Variants in DNAH9 observed in about 807,000 individuals in gnomAD.
DNAH9 encodes the protein dynein axonemal heavy chain 9.
In DNAH9, 345 loss-of-function variants were observed where a neutral mutation model predicts 471.6. The ratio of observed to expected loss-of-function variants is 0.73; its 90% CI spans 0.67 to 0.80. DNAH9 has a LOEUF of 0.80. Among genes scored for constraint, DNAH9 ranks in the 30% least tolerant of loss-of-function variants. The probability of loss-of-function intolerance (pLI) is 0.00; values close to 1 mark genes in which losing one functional copy is unlikely to be tolerated. For missense variants in DNAH9, 5,407 were observed against 5,609.2 expected (o/e 0.96, Z 1.15); for synonymous variants, 2,093 against 2,123.6 (o/e 0.99, Z 0.40).
chr17:11,700,150 A>G (rs2074565341), intron 23 of DNAH9, among the ~76,000 whole-genome samples: 1 of 152,172 alleles, frequency 6.6e-6, no homozygotes, highest in Admixed American at 6.5e-5. Flanking sequence ...ATGCACATAA[A>G]CAGCTACCCA....
At chr17:11,720,253 C>CT (rs201295781) in intron 27 of DNAH9, among the ~76,000 whole-genome samples, 3,440 of 144,916 alleles carry the variant, frequency 0.024, 99 homozygotes, top group South Asian at 0.11. Flanking sequence ...CTTTTTTTTT[C>CT]TTTTTTTAAT....
At position 11,632,581 on chromosome 17, in the gene DNAH9, C is replaced by G; in HGVS notation, c.1519-6C>G. Reference sequence around the variant, plus strand: ...TTTTCCTTATATATATATGGTGTCTCTTCAGGACTTTGAAAATGACGTCTC... The same window carrying G: ...TTTTCCTTATATATATATGGTGTCTGTTCAGGACTTTGAAAATGACGTCTC... On this transcript the variant is annotated splice_region_variant and splice_polypyrimidine_tract_variant and intron_variant, in intron 7 of 68. Transcript: ENST00000262442. 1.4e-6 allele frequency: 2 copies of G among 1,443,064 alleles called. No individual in the cohort carries two copies. The highest frequency in any genetic ancestry group is 2.0e-6 in the Non-Finnish European group (2 of 1,024,000). The allele number at this position is 1,443,064 out of a possible 1,614,324, so 89.4% of individuals were successfully genotyped here.
At position 11,763,603 on chromosome 17, in the gene DNAH9, G is replaced by A. The variant is rs775028097; in HGVS notation, c.7159G>A (p.Val2387Ile). Residue 2387 changes from valine to isoleucine, a missense_variant, in exon 36 of 69, where the codon GTC (valine) becomes ATC (isoleucine). Transcript: ENST00000262442. ...AAIWAFGGAMVQDQLVDYRAE... is the reference protein window; with the variant it reads ...AAIWAFGGAMIQDQLVDYRAE... Reference sequence around the variant, plus strand: ...CATCTGGGCTTTCGGCGGAGCAATGGTCCAAGATCAGGTAAGGAGATATGT... The same window carrying A: ...CATCTGGGCTTTCGGCGGAGCAATGATCCAAGATCAGGTAAGGAGATATGT... 61 of 1,613,962 alleles carry A rather than the reference G, an allele frequency of 3.8e-5. No individual in the cohort carries two copies. The South Asian group carries it at 5.7e-4, about 15-fold the overall frequency.
At chr17:11,622,630 A>C (rs1030804258) in intron 6 of DNAH9, among the ~76,000 whole-genome samples, 2 of 152,196 alleles carry the variant, frequency 1.3e-5, no homozygotes, top group African/African-American at 4.8e-5. Context: ...GGCCCTGTGC[A>C]CACATGCTAA....
chr17:11,836,982 A>T (rs779198351), intron 49 of DNAH9, among the ~76,000 whole-genome samples: 2 of 152,202 alleles, frequency 1.3e-5, no homozygotes, highest in Non-Finnish European at 2.9e-5. Flanking sequence ...AAATGGAAGC[A>T]ATGATAATAC....
chr17:11,894,324 G>A (rs780888804), intron 58 of DNAH9, 50 bp from the exon 59 acceptor site: 2 of 1,602,580 alleles, frequency 1.2e-6, no homozygotes, highest in Admixed American at 3.3e-5. Flanking sequence ...AGATTTCTAG[G>A]ACTCTGGCTA....
At position 11,901,155 on chromosome 17, in the gene DNAH9, G is replaced by A. The variant is rs576012810; in HGVS notation, c.11407-1564G>A. 7.9e-5 allele frequency among the ~76,000 whole-genome samples: 12 copies of A among 152,304 alleles called. 1 individual carries two copies. In the South Asian group the frequency reaches 2.5e-3, roughly 32 times the overall value. On this transcript the variant is annotated intron_variant, in intron 59 of 68. Coordinates refer to ENST00000262442, the MANE Select transcript of DNAH9 (RefSeq NM_001372.4). ...GGGTGGGGCCAGGGTGAGGGTGTCT[G>A]TGCATGGGCAGGGGCTTGCCTGGTA...
chr17:11,858,510 C>T (rs1467566517), intron 50 of DNAH9, among the ~76,000 whole-genome samples: 1 of 152,206 alleles, frequency 6.6e-6, no homozygotes, highest in African/African-American at 2.4e-5. Flanking sequence ...GCTTCCCATT[C>T]ACACAGTTTT....
At chr17:11,740,390 G>A (rs1464184049) in intron 29 of DNAH9, among the ~76,000 whole-genome samples, 1 of 152,136 alleles carries the variant, frequency 6.6e-6, no homozygotes, top group African/African-American at 2.4e-5. Flanking sequence ...CAAAAGCAGG[G>A]TGCCAGCACG....
chr17:11,873,822 G>A (rs1972369874), intron 52 of DNAH9, among the ~76,000 whole-genome samples: 1 of 152,064 alleles, frequency 6.6e-6, no homozygotes, highest in Non-Finnish European at 1.5e-5. Context: ...GCCGATGGCT[G>A]CATAATGTTA....
At chr17:11,639,677 A>C (rs1043952373) in intron 9 of DNAH9, among the ~76,000 whole-genome samples, 2 of 152,150 alleles carry the variant, frequency 1.3e-5, no homozygotes, top group Admixed American at 1.3e-4. Context: ...TTCAACCCTG[A>C]CTGTTCAATT....
rs1296279361 is a variant in DNAH9 at position 11,704,282 on chromosome 17, G to A, written c.5231G>A (p.Ser1744Asn). The A allele has an allele frequency of 1.2e-6, 2 of 1,614,164 alleles. No individual in the cohort carries two copies. The highest frequency in any genetic ancestry group is 2.2e-5 in the South Asian group (2 of 91,092). Reference protein sequence around the residue: ...AFARLEEGYESAMKDYYKKQV... With the variant: ...AFARLEEGYENAMKDYYKKQV... Reference sequence around the variant, plus strand: ...GCCAGGCTGGAGGAAGGCTATGAGAGTGCCATGAAGGACTATTATAAGAAG... The same window carrying A: ...GCCAGGCTGGAGGAAGGCTATGAGAATGCCATGAAGGACTATTATAAGAAG... Residue 1744 changes from serine (S) to asparagine (N), a missense_variant, in exon 25 of 69, where the codon AGT becomes AAT. This residue lies in a region of DNAH9 where 4,636 missense variants were observed against 4,900.3 expected (regional missense o/e 0.95). Transcript: ENST00000262442.
At chr17:11,632,738 G>A (rs2073093423) in intron 8 of DNAH9, 35 bp downstream of exon 8, 1 of 1,015,148 alleles carries the variant, frequency 9.9e-7, no homozygotes, top group East Asian at 2.4e-5. Flanking sequence ...ACTCGGTCCT[G>A]GATACTCCCC....
chr17:11,834,678 A>G lies in DNAH9; in HGVS notation c.9287A>G (p.Glu3096Gly). The G allele has an allele frequency of 1.2e-6, 2 of 1,614,126 alleles. No homozygotes were observed. Among genetic ancestry groups the G allele is most frequent in the Non-Finnish European group, 1.7e-6 (2 of 1,180,020 alleles). The change falls in exon 49 of 69, where the codon GAG becomes GGG. Residue 3096 changes from glutamate to glycine, a missense_variant. Physicochemically the swap from Glu to Gly is moderately conservative, Grantham distance 98. Coordinates refer to ENST00000262442, the MANE Select transcript of DNAH9 (RefSeq NM_001372.4). ...GCAAAGCTGGCTGCCCAGGAAGTAG[A>G]GCTGAAGCAGAAAAATGAAGATGCA... ...LKAKLAAQEV[E>G]LKQKNEDADK...
At chr17:11,935,127 GT>G (rs960190723) in intron 65 of DNAH9, among the ~76,000 whole-genome samples, 12 of 151,192 alleles carry the variant, frequency 7.9e-5, no homozygotes, top group African/African-American at 2.7e-4. Context: ...ACCACACCCG[GT>G]TTTTGTATTT....
At chr17:11,927,608 T>G (rs1338774974) in intron 62 of DNAH9, among the ~76,000 whole-genome samples, 1 of 152,184 alleles carries the variant, frequency 6.6e-6, no homozygotes. Flanking sequence ...TCTAACATCT[T>G]TTAACATCCC....
intron 24 of DNAH9, 91 bp from the exon 25 acceptor site, chr17:11,704,112 C>A: frequency 6.9e-7 from 1 of 1,447,178 alleles, no homozygotes; most frequent in Non-Finnish European, 9.6e-7. Flanking sequence ...GTCACCCACA[C>A]AATTACATCC....
intron 59 of DNAH9, among the ~76,000 whole-genome samples, chr17:11,896,459 T>G (rs1973222696): frequency 6.6e-6 from 1 of 152,224 alleles, no homozygotes; most frequent in Admixed American, 6.5e-5. Context: ...CAAGCTGTAG[T>G]TTGCCAATCT....
chr17:11,826,863 C>T (rs1467205302), intron 48 of DNAH9, among the ~76,000 whole-genome samples: 2 of 127,216 alleles, frequency 1.6e-5, no homozygotes, highest in South Asian at 2.6e-4. Flanking sequence ...CTGGCTGTAT[C>T]GCCCAGGCTG....
Sources: gnomAD v4.1 joint callset for allele counts (sites outside exome capture counted in the v4.1 genomes callset) on GRCh38, gnomAD v4.1.1 for gene constraint, gnomAD v4.1.1 regional missense constraint, MANE v1.5 for transcripts, NCBI Gene and HGNC (gene_info 2026-07-23, HGNC 2026-07-21) for gene names.